GAP43: variants seen among roughly 807,000 people sequenced by gnomAD.
GAP43 encodes growth associated protein 43, also known as neuromodulin.
GAP43 carries 6 observed loss-of-function variants against 18.6 expected under a neutral mutation model. That is an observed-to-expected ratio of 0.32 (90% CI 0.18 to 0.64). GAP43 has a LOEUF of 0.64. Ranked by LOEUF, GAP43 falls within the 30% of genes least tolerant of loss-of-function variation. GAP43 has a pLI of 0.78. For missense variants in GAP43, 292 were observed against 295.5 expected (o/e 0.99, Z 0.09); for synonymous variants, 115 against 111.4 (o/e 1.03, Z -0.20).
chr3:115,637,131 C>T (rs1272056850), intron 1 of GAP43, among the ~76,000 whole-genome samples: 3 of 152,014 alleles, frequency 2.0e-5, no homozygotes, highest in African/African-American at 4.8e-5. Flanking sequence ...TTCTCCATGA[C>T]CTGTTTTGCC....
intron 2 of GAP43, among the ~76,000 whole-genome samples, chr3:115,679,737 G>A (rs1708937350): frequency 6.6e-6 from 1 of 152,130 alleles, no homozygotes; most frequent in African/African-American, 2.4e-5. Context: ...AGAGGACTCT[G>A]CTGTGGTCAT....
chr3:115,663,594 A>T (rs1224767672), intron 1 of GAP43: 23 of 1,301,464 alleles, frequency 1.8e-5, no homozygotes, highest in Non-Finnish European at 1.9e-6. Context: ...AAATCTTCAC[A>T]AGGAAAATGA....
intron 2 of GAP43, among the ~76,000 whole-genome samples, chr3:115,693,788 TGGGGC>T (rs567677502): frequency 8.0e-5 from 2 of 25,130 alleles, no homozygotes; most frequent in South Asian, 2.8e-3. Context: ...TGATGGGGGC[TGGGGC>T]GGGGCGGGGC....
At chr3:115,716,775 G>GAGAT (rs1709514073) in intron 2 of GAP43, among the ~76,000 whole-genome samples, 1 of 124,976 alleles carries the variant, frequency 8.0e-6, no homozygotes, top group African/African-American at 2.9e-5. Flanking sequence ...TATACAGAGA[G>GAGAT]AGAGAGAGAG....
At chr3:115,660,061 G>T (rs1030539349) in intron 1 of GAP43, among the ~76,000 whole-genome samples, 5 of 152,220 alleles carry the variant, frequency 3.3e-5, no homozygotes, top group African/African-American at 1.2e-4. Flanking sequence ...AATCATGAAG[G>T]GTTTGTTACT....
At chr3:115,627,892 G>A (rs1708210593) in intron 1 of GAP43, among the ~76,000 whole-genome samples, 3 of 152,114 alleles carry the variant, frequency 2.0e-5, no homozygotes. Context: ...ATATTATACT[G>A]TGAGTCCTTA....
At chr3:115,686,405 A>G (rs950060822) in intron 2 of GAP43, among the ~76,000 whole-genome samples, 2 of 152,354 alleles carry the variant, frequency 1.3e-5, no homozygotes, top group Admixed American at 6.5e-5. Flanking sequence ...AGTAAAGTTT[A>G]GAATTGGTAT....
intron 1 of GAP43, among the ~76,000 whole-genome samples, chr3:115,643,452 C>T (rs1391488907): frequency 6.6e-6 from 1 of 152,028 alleles, no homozygotes; most frequent in African/African-American, 2.4e-5. Context: ...GGTTCTATTG[C>T]TTGCACTGAA....
intron 2 of GAP43, among the ~76,000 whole-genome samples, chr3:115,701,390 A>C (rs1709295598): frequency 6.6e-6 from 1 of 151,948 alleles, no homozygotes; most frequent in South Asian, 2.1e-4. Flanking sequence ...TTCCGGGGGT[A>C]GGGTCATTTA....
chr3:115,640,677 T>C (rs1708383840), intron 1 of GAP43, among the ~76,000 whole-genome samples: 1 of 152,058 alleles, frequency 6.6e-6, no homozygotes, highest in African/African-American at 2.4e-5. Context: ...TCCGTTACTC[T>C]GATTAAACCA....
intron 1 of GAP43, among the ~76,000 whole-genome samples, chr3:115,667,131 T>G (rs1281756921): frequency 6.6e-6 from 1 of 152,144 alleles, no homozygotes; most frequent in African/African-American, 2.4e-5. Context: ...AAATAACATT[T>G]TTTTTTAGTA....
chr3:115,664,757 A>G (rs1490402127), intron 1 of GAP43, among the ~76,000 whole-genome samples: 2 of 152,186 alleles, frequency 1.3e-5, no homozygotes, highest in African/African-American at 4.8e-5. Context: ...TTAACAGTTA[A>G]AGATTTTTCT....
intron 2 of GAP43, among the ~76,000 whole-genome samples, chr3:115,707,720 CTT>C (rs1175623423): frequency 6.6e-6 from 1 of 152,008 alleles, no homozygotes; most frequent in Non-Finnish European, 1.5e-5. Flanking sequence ...TATATGAAGA[CTT>C]GGTTATAAAA....
In GAP43 at chr3:115,698,066, T is replaced by C. The variant is rs868111692; in HGVS notation, c.628+21456T>C. 7.9e-3 allele frequency among the ~76,000 whole-genome samples: 461 copies of C among 58,132 alleles called. 2 individuals carry two copies. The highest frequency in any genetic ancestry group is 9.4e-3 in the Non-Finnish European group (342 of 36,220). The allele number at this position is 58,132 out of a possible 152,430, so 38.1% of individuals were successfully genotyped here. ...TATTATATATTATATAAAATATATA[T>C]TATATATAATATATAAAATATGTAT... On this transcript the variant is annotated intron_variant, in intron 2 of 2. Coordinates refer to ENST00000305124, the MANE Select transcript of GAP43 (RefSeq NM_002045.4).
intron 1 of GAP43, 92 bp from the exon 2 acceptor site, chr3:115,675,921 T>C: frequency 2.6e-6 from 4 of 1,512,910 alleles, no homozygotes; most frequent in Non-Finnish European, 3.5e-6. Flanking sequence ...TGGCACAAAA[T>C]AAATCACTTA....
chr3:115,666,330 C>T (rs1708732513), intron 1 of GAP43, among the ~76,000 whole-genome samples: 1 of 152,094 alleles, frequency 6.6e-6, no homozygotes, highest in African/African-American at 2.4e-5. Flanking sequence ...AGATATAGCT[C>T]AGTAGTACTG....
At chr3:115,668,314 A>G (rs1296121305) in intron 1 of GAP43, among the ~76,000 whole-genome samples, 1 of 152,146 alleles carries the variant, frequency 6.6e-6, no homozygotes, top group African/African-American at 2.4e-5. Context: ...TAACTAAGGG[A>G]CTAGTTATTC....
intron 1 of GAP43, among the ~76,000 whole-genome samples, chr3:115,642,697 CAA>C (rs1294843364): frequency 6.6e-6 from 1 of 151,934 alleles, no homozygotes; most frequent in Admixed American, 6.6e-5. Flanking sequence ...ACCACAACTC[CAA>C]AAGATTTTTA....
intron 1 of GAP43, among the ~76,000 whole-genome samples, chr3:115,641,413 G>A (rs1460836033): frequency 6.6e-6 from 1 of 150,672 alleles, no homozygotes; most frequent in African/African-American, 2.4e-5. Context: ...TACACACATA[G>A]GGGTGTGCAT....
Sources: allele counts gnomAD v4.1 joint callset (sites outside exome capture counted in the v4.1 genomes callset), GRCh38; gene constraint gnomAD v4.1.1; transcripts MANE v1.5; gene names NCBI Gene and HGNC (gene_info 2026-07-23, HGNC 2026-07-21).